The following LLGL1 variants were observed in gnomAD, a reference collection of about 807,000 sequenced individuals.
The protein encoded by LLGL1 is lethal(2) giant larvae protein homolog 1.
LLGL1 carries 58 observed loss-of-function variants against 110.6 expected under a neutral mutation model. The ratio of observed to expected loss-of-function variants is 0.52; its 90% CI spans 0.42 to 0.65. The LOEUF is 0.65. Ranked by LOEUF, LLGL1 falls within the 30% of genes least tolerant of loss-of-function variation. LLGL1 has a pLI of 0.00. For synonymous variants in LLGL1, 674 were observed against 607.2 expected (o/e 1.11, Z -1.62); for missense variants, 1,229 against 1,462.1 (o/e 0.84, Z 2.60).
At chr17:18,231,618 AGTT>A (rs2047571694) in intron 2 of LLGL1, among the ~76,000 whole-genome samples, 1 of 152,086 alleles carries the variant, frequency 6.6e-6, no homozygotes, top group Admixed American at 6.5e-5. Flanking sequence ...TCATGATGGC[AGTT>A]GTTGGCTGCC....
intron 16 of LLGL1, among the ~76,000 whole-genome samples, chr17:18,238,921 G>A (rs1465818898): frequency 6.6e-6 from 1 of 152,202 alleles, no homozygotes; most frequent in Non-Finnish European, 1.5e-5. Context: ...TGAGGCAGGA[G>A]AATTGCTTGA....
intron 21 of LLGL1, 23 bp downstream of exon 21, chr17:18,242,651 CAG>C (rs1567697804): frequency 3.8e-6 from 6 of 1,592,430 alleles, no homozygotes; most frequent in African/African-American, 1.3e-5. Flanking sequence ...GGCAGGTCCA[CAG>C]GGGGGGCTGC....
chr17:18,242,065 G>A (rs2746030), intron 19 of LLGL1, 66 bp downstream of exon 19: 501,039 of 1,542,364 alleles, frequency 0.32, 85,221 homozygotes, highest in Non-Finnish European at 0.35. Flanking sequence ...TCCCACCCCC[G>A]AGATCTGCCT....
chr17:18,227,487 CAGGTG>C (rs943450242), intron 1 of LLGL1, among the ~76,000 whole-genome samples: 2 of 151,984 alleles, frequency 1.3e-5, no homozygotes, highest in Non-Finnish European at 2.9e-5. Context: ...CTCCCTGGCT[CAGGTG>C]ATCCTCCCAT....
Position 18,233,939 on chromosome 17 carries a change from A to T in LLGL1, c.551+3A>T, listed in dbSNP as rs369126088. ...GCCCCAGGCGAGGTTCTGCGCAGGT[A>T]AGAGGCCGGTGGGCTTCCCAGCACC... is the stretch of plus-strand genomic sequence containing the variant. On this transcript the variant is annotated splice_donor_region_variant and intron_variant, in intron 5 of 22. Transcript: ENST00000316843. The T allele has an allele frequency of 9.3e-6, 15 of 1,610,710 alleles. No individual in the cohort carries two copies. Among genetic ancestry groups the T allele is most frequent in the African/African-American group, 1.3e-5 (1 of 74,906 alleles).
At position 18,242,178 on chromosome 17, in the gene LLGL1, A is replaced by G; in HGVS notation, c.2895A>G (p.Arg965=). 1 of 1,613,792 alleles carries G rather than the reference A, an allele frequency of 6.2e-7. No homozygotes were observed. The highest frequency in any genetic ancestry group is 8.5e-7 in the Non-Finnish European group (1 of 1,179,854). The change falls in exon 20 of 23, where the codon CGA becomes CGG. Residue 965 remains arginine (R), a synonymous_variant. Transcript: ENST00000316843. ...CCCATCTCTGCAGTTACAGGATCCG[A>G]GAGTCACCCAAGCTGAGCCAGGCTA... ...RDATQASYRI[R]ESPKLSQANG...
chr17:18,244,736 A>AGGGGGTGG lies in LLGL1; in HGVS notation c.*835_*836insTGGGGGGG, dbSNP rs2047957287. 4 of 10,212 alleles carry AGGGGGTGG rather than the reference A, an allele frequency of 3.9e-4. 2 individuals are homozygous for AGGGGGTGG. Among genetic ancestry groups the AGGGGGTGG allele is most frequent in the Non-Finnish European group, 7.7e-4 (4 of 5,172 alleles). 0.6% of individuals were successfully genotyped at this position (10,212 alleles called of 1,614,324 possible). ...TGTGTGTCCGGCGGGGGGGGGGGGC[A>AGGGGGTGG]GGGGGGGGGGTCAAGATGAGTTTCC... On this transcript the variant is annotated 3_prime_UTR_variant, in exon 23 of 23. Transcript: ENST00000316843.
chr17:18,242,746 CTCT>C lies in LLGL1; in HGVS notation c.3121_3123del (p.Ser1041del), dbSNP rs1228523016. 6.4e-7 allele frequency: 1 copy of C among 1,568,126 alleles called. No individual in the cohort carries two copies. Among genetic ancestry groups the C allele is most frequent in the Admixed American group, 1.9e-5 (1 of 52,676 alleles). On this transcript the variant is annotated inframe_deletion, in exon 22 of 23. Transcript: ENST00000316843. Reference sequence around the variant, plus strand: ...GAGCACCATCCCCATCTCGCAGCTCCTCTGAGGAGTCAGAGAAGAACCTGAGGA... The same window carrying C: ...GAGCACCATCCCCATCTCGCAGCTCCGAGGAGTCAGAGAAGAACCTGAGGA...
chr17:18,242,590 A>G lies in LLGL1; in HGVS notation c.3078A>G (p.Thr1026=), dbSNP rs775622315. ...GTGCTGACACCACGCTGGACACGAC[A>G]GGGGACGTCACAGTGGAAGATGTGA... The part of the protein sequence containing the change: ...ATSADTTLDT[T]GDVTVEDVKD... The change falls in exon 21 of 23, where the codon ACA becomes ACG. Residue 1026 remains threonine, a synonymous_variant. Transcript: ENST00000316843. 4.3e-6 allele frequency: 7 copies of G among 1,613,942 alleles called. No homozygotes were observed. The highest frequency in any genetic ancestry group is 5.9e-6 in the Non-Finnish European group (7 of 1,179,906).
chr17:18,234,894 C>T lies in LLGL1; in HGVS notation c.961C>T (p.His321Tyr). ...GMPRASYGDR[H>Y]CVSVLRAETL... ...GCCCCGTGCCAGCTATGGTGACCGC[C>T]ACTGTGTAAGTGTGCTTCGAGCCGA... The change falls in exon 9 of 23, where the codon CAC becomes TAC. Residue 321 changes from histidine to tyrosine, a missense_variant. By Grantham distance (83) the His-to-Tyr change is moderately conservative. Coordinates refer to ENST00000316843, the MANE Select transcript of LLGL1 (RefSeq NM_004140.4). 6.2e-7 allele frequency: 1 copy of T among 1,614,078 alleles called. No homozygotes were observed. The highest frequency in any genetic ancestry group is 8.5e-7 in the Non-Finnish European group (1 of 1,180,000).
Position 18,233,838 on chromosome 17 carries a change from A to G in LLGL1, c.453A>G (p.Ala151=). 1 of 1,613,768 alleles carries G rather than the reference A, an allele frequency of 6.2e-7. No individual in the cohort carries two copies. The highest frequency in any genetic ancestry group is 1.1e-5 in the South Asian group (1 of 91,084). ...TGCTGGTGGCTGCCAGCGACATAGC[A>G]GCCCTGGGCACTGAGGGCAGCAGTG... ...VVLLVAASDI[A]ALGTEGSSVF... is the part of the protein sequence containing the mutation. The change falls in exon 5 of 23, where the codon GCA becomes GCG. Residue 151 remains alanine (A), a synonymous_variant. Transcript: ENST00000316843.
intron 1 of LLGL1, among the ~76,000 whole-genome samples, chr17:18,228,079 C>T (rs2047489947): frequency 6.6e-6 from 1 of 152,174 alleles, no homozygotes; most frequent in African/African-American, 2.4e-5. Context: ...CTGGGGACAA[C>T]AGTAGTTACC....
intron 11 of LLGL1, 65 bp downstream of exon 11, chr17:18,235,602 C>A: frequency 6.5e-7 from 1 of 1,531,452 alleles, no homozygotes; most frequent in South Asian, 1.2e-5. Flanking sequence ...CATCCTGGGC[C>A]TGGTGGGTGC....
At chr17:18,232,860 T>C (rs2047599547) in intron 4 of LLGL1, 58 bp downstream of exon 4, 10 of 1,606,930 alleles carry the variant, frequency 6.2e-6, no homozygotes, top group Non-Finnish European at 7.6e-6. Flanking sequence ...GGGGAGGCTG[T>C]GGGAACCTGC....
At position 18,229,850 on chromosome 17, in the gene LLGL1, C is replaced by T. The variant is rs2047529792; in HGVS notation, c.82-91C>T. On this transcript the variant is annotated intron_variant, in intron 1 of 22. Coordinates refer to ENST00000316843, the MANE Select transcript of LLGL1 (RefSeq NM_004140.4). Reference sequence around the variant, plus strand: ...CTACCCCCAGTGTGTCAGCTGCAGACCCTGGAGGCTGCCTTGGGGTGGGCC... The same window carrying T: ...CTACCCCCAGTGTGTCAGCTGCAGATCCTGGAGGCTGCCTTGGGGTGGGCC... 3 of 817,578 alleles carry T rather than the reference C, an allele frequency of 3.7e-6. No homozygotes were observed. In the East Asian group the frequency reaches 7.7e-5, roughly 21 times the overall value. The allele number at this position is 817,578 out of a possible 1,614,324, so 50.6% of individuals were successfully genotyped here. A position where few individuals can be genotyped will look rare whatever the true frequency, so the allele number is the denominator to read the frequency against.
chr17:18,234,141 C>T lies in LLGL1; in HGVS notation c.680C>T (p.Ser227Leu), dbSNP rs373843544. The change falls in exon 6 of 23, where the codon TCG becomes TTG. Residue 227 changes from serine to leucine, a missense_variant. Transcript: ENST00000316843. Reference sequence around the variant, plus strand: ...CTGCTGGTCATCTGGAACCAGGCCTCGCAGTGTGTGGACCACATCTTCCTG... The same window carrying T: ...CTGCTGGTCATCTGGAACCAGGCCTTGCAGTGTGTGGACCACATCTTCCTG... ...RGLLVIWNQA[S>L]QCVDHIFLGN... The T allele has an allele frequency of 9.6e-5, 154 of 1,610,178 alleles. 1 individual carries two copies. The South Asian group carries it at 1.6e-3, about 17-fold the overall frequency.
chr17:18,235,229 G>A lies in LLGL1; in HGVS notation c.1201G>A (p.Val401Met), dbSNP rs756557977. 1.9e-5 allele frequency: 30 copies of A among 1,610,568 alleles called. No homozygotes were observed. The highest frequency in any genetic ancestry group is 4.0e-5 in the African/African-American group (3 of 74,928). Residue 401 changes from valine to methionine, a missense_variant, in exon 10 of 23, where the codon GTG becomes ATG. Transcript: ENST00000316843. ...CTCTGCAATCACTTGCTCGGCCCAC[G>A]TGGCCAGTGTCCCCGCCAAGCTGTG... ...HSSAITCSAH[V>M]ASVPAKLWAR...
Position 18,242,148 on chromosome 17 carries a change from A to G in LLGL1, c.2883-18A>G. On this transcript the variant is annotated intron_variant, in intron 19 of 22. Coordinates refer to ENST00000316843, the MANE Select transcript of LLGL1 (RefSeq NM_004140.4). ...AAGTCATCCACCTATGGTCCCCATC[A>G]TGGCCCCATCTCTGCAGTTACAGGA... is the stretch of plus-strand genomic sequence containing the variant. The G allele has an allele frequency of 6.2e-7, 1 of 1,601,686 alleles. No individual in the cohort carries two copies. The highest frequency in any genetic ancestry group is 8.6e-7 in the Non-Finnish European group (1 of 1,168,962).
At chr17:18,234,610 C>A (rs2047648047) in intron 7 of LLGL1, 39 bp from the exon 8 acceptor site, 3 of 1,611,132 alleles carry the variant, frequency 1.9e-6, no homozygotes, top group African/African-American at 2.7e-5. Flanking sequence ...TTGCTAAGAA[C>A]CACCAGTGAG....
Sources: allele counts gnomAD v4.1 joint callset (sites outside exome capture counted in the v4.1 genomes callset), GRCh38; gene constraint gnomAD v4.1.1; transcripts MANE v1.5; gene names NCBI Gene and HGNC (gene_info 2026-07-23, HGNC 2026-07-21).